The following SLC36A2 variants were observed in gnomAD, a reference collection of about 807,000 sequenced individuals.
The protein encoded by SLC36A2 is solute carrier family 36 member 2.
SLC36A2 carries 39 observed loss-of-function variants against 42.7 expected under a neutral mutation model. The observed-to-expected ratio is 0.91, with a 90% CI of 0.71 to 1.19. The LOEUF is 1.19. Among genes scored for constraint, SLC36A2 ranks in the 50% most tolerant of loss-of-function variants. SLC36A2 has a pLI of 0.00. For synonymous variants in SLC36A2, 237 were observed against 240.8 expected (o/e 0.98, Z 0.15); for missense variants, 590 against 613.7 (o/e 0.96, Z 0.41).
intron 9 of SLC36A2, among the ~76,000 whole-genome samples, chr5:151,320,783 A>G (rs1300177347): frequency 6.6e-6 from 1 of 152,186 alleles, no homozygotes; most frequent in African/African-American, 2.4e-5. Context: ...AATTTTAAAA[A>G]TCTGCATTTG....
Position 151,322,125 on chromosome 5 carries a change from G to A in SLC36A2, c.1101C>T (p.Pro367=). 1 of 1,614,212 alleles carries A rather than the reference G, an allele frequency of 6.2e-7. No homozygotes were observed. Among genetic ancestry groups the A allele is most frequent in the Non-Finnish European group, 8.5e-7 (1 of 1,180,040 alleles). ...QFYVPAEIII[P]FAISRVSTRW... ...GTGTTGACACCCGGGAGATGGCAAAGGGGATGATGATTTCTGCAGGGACGT... is the reference window on the plus strand; with the variant it reads ...GTGTTGACACCCGGGAGATGGCAAAAGGGATGATGATTTCTGCAGGGACGT... The change falls in exon 9 of 10, where the codon CCC becomes CCT. Residue 367 remains proline, a synonymous_variant. Transcript: ENST00000335244.
intron 4 of SLC36A2, among the ~76,000 whole-genome samples, chr5:151,340,403 G>A (rs912584371): frequency 5.3e-5 from 8 of 152,302 alleles, no homozygotes; most frequent in South Asian, 4.1e-4. Flanking sequence ...GGAGACGTTC[G>A]GGACACAACT....
chr5:151,322,758 TA>T (rs1755732777), intron 8 of SLC36A2, among the ~76,000 whole-genome samples: 1 of 152,136 alleles, frequency 6.6e-6, no homozygotes, highest in African/African-American at 2.4e-5. Context: ...GTGTGGAAGT[TA>T]GGGGGAGTCA....
At chr5:151,327,841 A>G (rs941040182) in intron 7 of SLC36A2, among the ~76,000 whole-genome samples, 2 of 152,118 alleles carry the variant, frequency 1.3e-5, no homozygotes, top group African/African-American at 2.4e-5. Flanking sequence ...GGAGAGTCAG[A>G]CGTACTAGGT....
chr5:151,326,690 T>C (rs1755861052), intron 7 of SLC36A2, among the ~76,000 whole-genome samples: 1 of 152,008 alleles, frequency 6.6e-6, no homozygotes, highest in Admixed American at 6.6e-5. Flanking sequence ...CAGGCTCTTA[T>C]TGTCCTGGAG....
rs1413042442 is a variant in SLC36A2, at chr5:151,344,158, C to T, written c.255+19G>A. ...TCTGCAACTGACCATAAAGCCCCCA[C>T]ATGTGGCGCCTCTCTTACCAGGATG... On this transcript the variant is annotated intron_variant, in intron 2 of 9. Coordinates refer to ENST00000335244, the MANE Select transcript of SLC36A2 (RefSeq NM_181776.3). 1 of 1,611,652 alleles carries T rather than the reference C, an allele frequency of 6.2e-7. No homozygotes were observed. The highest frequency in any genetic ancestry group is 1.7e-5 in the Admixed American group (1 of 59,850).
At chr5:151,343,004 A>G in intron 3 of SLC36A2, 21 bp from the exon 4 acceptor site, 1 of 1,596,730 alleles carries the variant, frequency 6.3e-7, no homozygotes, top group Non-Finnish European at 8.6e-7. Context: ...GAGTGCATAA[A>G]CGGTTTCCAA....
intron 4 of SLC36A2, among the ~76,000 whole-genome samples, chr5:151,342,651 G>A (rs1756379323): frequency 6.6e-6 from 1 of 152,186 alleles, no homozygotes; most frequent in Non-Finnish European, 1.5e-5. Context: ...GATAAATGTG[G>A]TTTAATAAAA....
intron 1 of SLC36A2, 129 bp downstream of exon 1, chr5:151,347,168 C>T (rs1756518702): frequency 8.8e-7 from 1 of 1,134,512 alleles, no homozygotes; most frequent in Non-Finnish European, 1.3e-6. Flanking sequence ...CCCATGACTG[C>T]ACCTTTTGCA....
chr5:151,317,031 A>G lies in SLC36A2; in HGVS notation c.1238T>C (p.Val413Ala). ...LDLVISLVGS[V>A]SGTALALIIP... ...GATGAGGGCCAGGGCGGTGCCACTC[A>G]CGGAGCCCACCAGGGAGATGACCAG... Residue 413 changes from valine to alanine, a missense_variant, in exon 10 of 10, where the codon GTG (valine) becomes GCG (alanine). Coordinates refer to ENST00000335244, the MANE Select transcript of SLC36A2 (RefSeq NM_181776.3). 4 of 1,614,132 alleles carry G rather than the reference A, an allele frequency of 2.5e-6. No homozygotes were observed. The South Asian group carries it at 4.4e-5, about 18-fold the overall frequency.
intron 6 of SLC36A2, among the ~76,000 whole-genome samples, chr5:151,333,587 G>A (rs534118353): frequency 6.6e-6 from 1 of 152,254 alleles, no homozygotes; most frequent in African/African-American, 2.4e-5. Context: ...CAAAAGGGCC[G>A]GGTGCAGTGG....
At chr5:151,333,488 T>G (rs1292002143) in intron 6 of SLC36A2, among the ~76,000 whole-genome samples, 166 bp from the exon 7 acceptor site, 8 of 152,192 alleles carry the variant, frequency 5.3e-5, no homozygotes, top group African/African-American at 1.9e-4. Flanking sequence ...ATTTCAACAC[T>G]GCACAATGCC....
intron 7 of SLC36A2, among the ~76,000 whole-genome samples, chr5:151,332,058 G>A (rs1756012133): frequency 6.6e-6 from 1 of 152,002 alleles, no homozygotes; most frequent in Admixed American, 6.6e-5. Context: ...GTAGAGACGG[G>A]GTTTCACTAT....
At chr5:151,342,804 C>A (rs1473678378) in intron 4 of SLC36A2, 84 bp downstream of exon 4, 4 of 1,210,034 alleles carry the variant, frequency 3.3e-6, no homozygotes, top group South Asian at 2.5e-5. Context: ...AACAAACCAC[C>A]TTTCCAGGGA....
rs749353458 is a variant in SLC36A2 at position 151,323,270 on chromosome 5, A to AAT, written c.1011-1057_1011-1056dup. On this transcript the variant is annotated intron_variant, in intron 8 of 9. Coordinates refer to ENST00000335244, the MANE Select transcript of SLC36A2 (RefSeq NM_181776.3). ...AGATAGATAGATAAATAAATAAATA[A>AAT]ATAAATAAATAAATAAATGGGTGTG... Among the ~76,000 whole-genome samples the AAT allele has an allele frequency of 1.9e-3, 295 of 151,690 alleles. 1 individual carries two copies. The highest frequency in any genetic ancestry group is 3.5e-3 in the Non-Finnish European group (239 of 67,920).
intron 5 of SLC36A2, among the ~76,000 whole-genome samples, chr5:151,336,700 C>A (rs1266242799): frequency 1.3e-5 from 2 of 150,388 alleles, no homozygotes; most frequent in Non-Finnish European, 3.0e-5. Context: ...CCCACCCCCC[C>A]ACACATTATG....
Position 151,315,690 on chromosome 5 carries a change from G to A in SLC36A2, c.*1127C>T, listed in dbSNP as rs922300003. 1 of 152,228 alleles carries A rather than the reference G, an allele frequency of 6.6e-6. No homozygotes were observed. The highest frequency in any genetic ancestry group is 6.5e-5 in the Admixed American group (1 of 15,276). 9.4% of individuals were successfully genotyped at this position (152,228 alleles called of 1,614,324 possible). A position where few individuals can be genotyped will look rare whatever the true frequency, so the allele number is the denominator to read the frequency against. On this transcript the variant is annotated 3_prime_UTR_variant, in exon 10 of 10. Coordinates refer to ENST00000335244, the MANE Select transcript of SLC36A2 (RefSeq NM_181776.3). ...AAAAAATTTAAGGGATACAGATACA[G>A]ACTTCATCTTTTCATAGGAGCAGGT...
chr5:151,341,388 A>G (rs1756340943), intron 4 of SLC36A2, among the ~76,000 whole-genome samples: 1 of 152,178 alleles, frequency 6.6e-6, no homozygotes, highest in African/African-American at 2.4e-5. Flanking sequence ...TTCCAGGCCC[A>G]TGATACCATA....
In SLC36A2 at chr5:151,316,681, G is replaced by A. The variant is rs531314826; in HGVS notation, c.*136C>T. ...CTTGAACCCAGGAGGCCGAAGTTGT[G>A]GTGAGCTGAGATCGCATCATTGTAC... On this transcript the variant is annotated 3_prime_UTR_variant, in exon 10 of 10. Coordinates refer to ENST00000335244, the MANE Select transcript of SLC36A2 (RefSeq NM_181776.3). The A allele has an allele frequency of 2.4e-4, 266 of 1,130,474 alleles. No individual in the cohort carries two copies. In the African/African-American group the frequency reaches 4.0e-3, roughly 17 times the overall value. 70.0% of individuals were successfully genotyped at this position (1,130,474 alleles called of 1,614,324 possible). A position where few individuals can be genotyped will look rare whatever the true frequency, so the allele number is the denominator to read the frequency against.
Sources: gnomAD v4.1 joint callset for allele counts (sites outside exome capture counted in the v4.1 genomes callset) on GRCh38, gnomAD v4.1.1 for gene constraint, MANE v1.5 for transcripts, NCBI Gene and HGNC (gene_info 2026-07-23, HGNC 2026-07-21) for gene names.